Variants in TRERF1 observed in about 807,000 individuals in gnomAD.
TRERF1 encodes transcriptional regulating factor 1.
TRERF1 carries 27 observed loss-of-function variants against 122.9 expected under a neutral mutation model. That is an observed-to-expected ratio of 0.22 (90% CI 0.16 to 0.30). The LOEUF is 0.30. Among genes scored for constraint, TRERF1 ranks in the 10% least tolerant of loss-of-function variants. The pLI is 1.00. For synonymous variants in TRERF1, 636 were observed against 641.7 expected (o/e 0.99, Z 0.13); for missense variants, 1,248 against 1,560.3 (o/e 0.80, Z 3.37).
chr6:42,320,635 G>A (rs955493564), intron 3 of TRERF1, among the ~76,000 whole-genome samples: 14 of 150,638 alleles, frequency 9.3e-5, no homozygotes, highest in Admixed American at 7.9e-4. Flanking sequence ...TCAGCCTCCT[G>A]AGTAGCAAGG....
intron 17 of TRERF1, among the ~76,000 whole-genome samples, chr6:42,229,303 A>C (rs932307120): frequency 6.6e-6 from 1 of 151,884 alleles, no homozygotes; most frequent in African/African-American, 2.4e-5. Flanking sequence ...ATGCCTGGCT[A>C]ATTTTTAAAT....
At chr6:42,444,870 G>A (rs922351230) in intron 2 of TRERF1, among the ~76,000 whole-genome samples, 18 of 152,204 alleles carry the variant, frequency 1.2e-4, no homozygotes, top group South Asian at 4.2e-4. Flanking sequence ...CGGGCTGTCC[G>A]CAGCTCCTCC....
In TRERF1 at chr6:42,275,530, GT is replaced by G. The variant is rs1348768317; in HGVS notation, c.-258-5683del. On this transcript the variant is annotated intron_variant, in intron 4 of 17. Transcript: ENST00000372922. The surrounding 1 kb of genome is among the most constrained non-coding windows in gnomAD (Gnocchi z 4.1). ...TCTGCACACTGGCTGCCCAGTCACT[GT>G]GATGTAGGGACAGCAGCCTGCCCAT... 1.3e-5 allele frequency among the ~76,000 whole-genome samples: 2 copies of G among 152,262 alleles called. No homozygotes were observed. The highest frequency in any genetic ancestry group is 4.8e-5 in the African/African-American group (2 of 41,472).
At chr6:42,313,792 G>C (rs1487559437) in intron 3 of TRERF1, among the ~76,000 whole-genome samples, 1 of 152,198 alleles carries the variant, frequency 6.6e-6, no homozygotes, top group Non-Finnish European at 1.5e-5. Flanking sequence ...GTTAGGATAT[G>C]TGGGCCTCAG....
At chr6:42,256,635 T>C in intron 12 of TRERF1, 93 bp downstream of exon 12, 1 of 1,098,748 alleles carries the variant, frequency 9.1e-7, no homozygotes, top group Non-Finnish European at 1.4e-6. Context: ...CGATTGGTCA[T>C]TACAAATTGG....
intron 3 of TRERF1, among the ~76,000 whole-genome samples, chr6:42,308,125 C>G (rs1158971574): frequency 6.6e-6 from 1 of 152,122 alleles, no homozygotes; most frequent in African/African-American, 2.4e-5. Flanking sequence ...GGTATATACC[C>G]CACATCACCG....
chr6:42,352,702 A>G (rs1769698542), intron 3 of TRERF1, among the ~76,000 whole-genome samples: 1 of 152,212 alleles, frequency 6.6e-6, no homozygotes, highest in African/African-American at 2.4e-5. Context: ...AGCCCTTGTG[A>G]GCCAATTAAG....
chr6:42,362,783 C>T (rs1019698116), intron 3 of TRERF1, among the ~76,000 whole-genome samples: 2 of 152,160 alleles, frequency 1.3e-5, no homozygotes, highest in African/African-American at 2.4e-5. Flanking sequence ...AGACACCCTC[C>T]GCCCCATTCC....
chr6:42,310,597 C>T (rs1788070775), intron 3 of TRERF1, among the ~76,000 whole-genome samples: 1 of 152,166 alleles, frequency 6.6e-6, no homozygotes, highest in African/African-American at 2.4e-5. Flanking sequence ...CTGCTAAACA[C>T]CCTGGAAGGC....
intron 2 of TRERF1, among the ~76,000 whole-genome samples, chr6:42,424,702 C>A (rs944367694): frequency 2.0e-5 from 3 of 152,162 alleles, no homozygotes; most frequent in Non-Finnish European, 4.4e-5. Context: ...AGCTTCTTCA[C>A]GTTTGCCCAT....
At chr6:42,227,357 G>A (rs549368169) in exon 18 of TRERF1, 1 of 152,230 alleles carries the variant, frequency 6.6e-6, no homozygotes, top group African/African-American at 2.4e-5. Context: ...CGGTTTCACA[G>A]TACTTCCAAG....
intron 2 of TRERF1, among the ~76,000 whole-genome samples, chr6:42,427,211 AG>A (rs1223524732): frequency 6.6e-6 from 1 of 152,128 alleles, no homozygotes; most frequent in Admixed American, 6.5e-5. Flanking sequence ...TTATTCACCT[AG>A]GGCACATAAA....
At chr6:42,440,011 C>T (rs1786204415) in intron 2 of TRERF1, among the ~76,000 whole-genome samples, 1 of 152,170 alleles carries the variant, frequency 6.6e-6, no homozygotes. Flanking sequence ...ATATGGCAGG[C>T]ACTCAATAAA....
Position 42,343,625 on chromosome 6 carries a change from G to A in TRERF1, c.-371+19372C>T, listed in dbSNP as rs528080498. Among the ~76,000 whole-genome samples the A allele has an allele frequency of 7.9e-5, 12 of 152,312 alleles. 1 individual carries two copies. The highest frequency in any genetic ancestry group is 3.9e-4 in the East Asian group (2 of 5,184). The stretch of plus-strand genomic sequence containing the variant: ...AAGTGTGTTATCCTAAGGACAGAGC[G>A]TATGTGCACAAGCCTGAGTGAGCTG... On this transcript the variant is annotated intron_variant, in intron 3 of 17. Coordinates refer to ENST00000372922, the Ensembl canonical transcript of TRERF1.
chr6:42,388,427 G>GC (rs1306271474), intron 2 of TRERF1, among the ~76,000 whole-genome samples: 1 of 152,024 alleles, frequency 6.6e-6, no homozygotes, highest in Non-Finnish European at 1.5e-5. Context: ...GTGCTGGCTG[G>GC]CCTGGCATCA....
intron 2 of TRERF1, among the ~76,000 whole-genome samples, chr6:42,439,658 G>T (rs1786121533): frequency 6.6e-6 from 1 of 152,136 alleles, no homozygotes. Flanking sequence ...GGGCACCCTG[G>T]CCCATTCCGC....
At chr6:42,363,233 G>A (rs1483744412) in intron 2 of TRERF1, among the ~76,000 whole-genome samples, 154 bp from the exon 3 acceptor site, 1 of 152,200 alleles carries the variant, frequency 6.6e-6, no homozygotes, top group African/African-American at 2.4e-5. Context: ...ACCCAGCAAA[G>A]GCTGCTGAGG....
At chr6:42,344,526 G>T (rs1767904228) in intron 3 of TRERF1, among the ~76,000 whole-genome samples, 1 of 152,152 alleles carries the variant, frequency 6.6e-6, no homozygotes, top group Non-Finnish European at 1.5e-5. Flanking sequence ...TATATAAATG[G>T]TGGTGATCAT....
At chr6:42,373,282 T>A (rs1181116404) in intron 2 of TRERF1, among the ~76,000 whole-genome samples, 2 of 151,666 alleles carry the variant, frequency 1.3e-5, no homozygotes, top group African/African-American at 4.8e-5. Flanking sequence ...CCTGTAATCC[T>A]AGCACTTTGG....
Sources: gnomAD v4.1 joint callset for allele counts (sites outside exome capture counted in the v4.1 genomes callset) on GRCh38, gnomAD v4.1.1 for gene constraint, Gnocchi (gnomAD v3.1) non-coding constraint, MANE v1.5 for transcripts, NCBI Gene and HGNC (gene_info 2026-07-23, HGNC 2026-07-21) for gene names.